The following SH3RF3 variants were observed in gnomAD, a reference collection of about 807,000 sequenced individuals.
The protein encoded by SH3RF3 is SH3 domain containing ring finger 3, also known as E3 ubiquitin-protein ligase SH3RF3.
A neutral mutation model predicts 66.3 loss-of-function variants in SH3RF3; 29 were observed. The observed-to-expected ratio is 0.44, with a 90% CI of 0.33 to 0.60. The LOEUF is 0.60. Ranked by LOEUF, SH3RF3 falls within the 20% of genes least tolerant of loss-of-function variation. SH3RF3 has a pLI of 0.04. For missense variants in SH3RF3, 1,194 were observed against 1,190.9 expected (o/e 1.00, Z -0.04); for synonymous variants, 583 against 532.0 (o/e 1.10, Z -1.32).
At chr2:109,204,259 C>A (rs1351105912) in intron 1 of SH3RF3, among the ~76,000 whole-genome samples, 1 of 152,156 alleles carries the variant, frequency 6.6e-6, no homozygotes, top group South Asian at 2.1e-4. Flanking sequence ...TTTGCTTATG[C>A]CCTGTTGCTT....
At chr2:109,481,836 G>A (rs1304151697) in intron 8 of SH3RF3, among the ~76,000 whole-genome samples, 1 of 152,052 alleles carries the variant, frequency 6.6e-6, no homozygotes, top group East Asian at 1.9e-4. Flanking sequence ...GAGGGGCAAG[G>A]TGCCTGCCCA....
At chr2:109,315,176 A>G (rs1354825768) in intron 1 of SH3RF3, among the ~76,000 whole-genome samples, 1 of 152,210 alleles carries the variant, frequency 6.6e-6, no homozygotes, top group Non-Finnish European at 1.5e-5. Flanking sequence ...GTCTTATTTG[A>G]TGACTTTTCT....
Position 109,352,491 on chromosome 2 carries a change from G to A in SH3RF3, c.849+4542G>A, listed in dbSNP as rs564383901. On this transcript the variant is annotated intron_variant, in intron 2 of 9. Coordinates refer to ENST00000309415, the MANE Select transcript of SH3RF3 (RefSeq NM_001099289.3). ...GGCAAGCTTCCAAATTTGCAGTGTC[G>A]TCTCTGCTTCTTCCTGACTGAGAAT... is the stretch of plus-strand genomic sequence containing the variant. 1.7e-3 allele frequency among the ~76,000 whole-genome samples: 252 copies of A among 152,290 alleles called. 2 individuals are homozygous for A. The highest frequency in any genetic ancestry group is 2.6e-3 in the African/African-American group (110 of 41,550).
At chr2:109,149,358 C>T (rs911023638) in intron 1 of SH3RF3, among the ~76,000 whole-genome samples, 8 of 152,326 alleles carry the variant, frequency 5.3e-5, no homozygotes, top group African/African-American at 1.9e-4. Context: ...AATCAAGAGT[C>T]AAGTGTCTGG....
At chr2:109,204,005 G>A (rs1331005164) in intron 1 of SH3RF3, among the ~76,000 whole-genome samples, 2 of 152,202 alleles carry the variant, frequency 1.3e-5, no homozygotes, top group East Asian at 1.9e-4. Flanking sequence ...GGCTCTGAGT[G>A]TGAAAACCCG....
chr2:109,449,614 TAGATGAACCAGGCGTGTGACAG>T, intron 8 of SH3RF3, 125 bp downstream of exon 8: 2 of 1,233,384 alleles, frequency 1.6e-6, no homozygotes, highest in South Asian at 3.1e-5. Context: ...TGCCTGCCCC[TAGATGAACCAGGCGTGTGACAG>T]AGAGGGAGCC....
At chr2:109,415,987 C>T (rs1676712614) in intron 4 of SH3RF3, among the ~76,000 whole-genome samples, 1 of 152,164 alleles carries the variant, frequency 6.6e-6, no homozygotes, top group African/African-American at 2.4e-5. Context: ...AGCAGCAGGA[C>T]CTGAGCCAGC....
At position 109,504,230 on chromosome 2, in the gene SH3RF3, C is replaced by T. The variant is rs920623684; in HGVS notation, c.*2559C>T. 1 of 152,236 alleles carries T rather than the reference C, an allele frequency of 6.6e-6. No homozygotes were observed. The highest frequency in any genetic ancestry group is 1.5e-5 in the Non-Finnish European group (1 of 68,054). The allele number at this position is 152,236 out of a possible 1,614,324, so 9.4% of individuals were successfully genotyped here. A position where few individuals can be genotyped will look rare whatever the true frequency, so the allele number is the denominator to read the frequency against. ...TAACCCTTATGTTTCATCCTGGCCC[C>T]ATGATGTACACATCTTAGCCATGTA... is the stretch of plus-strand genomic sequence containing the variant. On this transcript the variant is annotated 3_prime_UTR_variant, in exon 10 of 10. Coordinates refer to ENST00000309415, the MANE Select transcript of SH3RF3 (RefSeq NM_001099289.3).
chr2:109,477,266 G>A (rs984456755), intron 8 of SH3RF3, among the ~76,000 whole-genome samples: 2 of 152,190 alleles, frequency 1.3e-5, no homozygotes, highest in African/African-American at 4.8e-5. Context: ...CAGAGTGGGG[G>A]AAGTCACTCC....
At position 109,393,959 on chromosome 2, in the gene SH3RF3, A is replaced by C. The variant is rs1357383973; in HGVS notation, c.946-4631A>C. On this transcript the variant is annotated intron_variant, in intron 3 of 9. Coordinates refer to ENST00000309415, the MANE Select transcript of SH3RF3 (RefSeq NM_001099289.3). ...TATACTCTGGCGCTGTCGTGGACCC[A>C]GCGCTGAAATTCCAGGGCTGGCCGC... 3.9e-5 allele frequency among the ~76,000 whole-genome samples: 6 copies of C among 152,006 alleles called. No homozygotes were observed. In the East Asian group the frequency reaches 1.2e-3, roughly 30 times the overall value.
At chr2:109,317,449 C>A (rs557472098) in intron 1 of SH3RF3, among the ~76,000 whole-genome samples, 97 of 152,112 alleles carry the variant, frequency 6.4e-4, no homozygotes, top group Non-Finnish European at 9.4e-4. Flanking sequence ...GCTGGGGAGG[C>A]CCAGCCCCCC....
intron 1 of SH3RF3, among the ~76,000 whole-genome samples, chr2:109,198,905 C>G (rs1029574957): frequency 2.6e-5 from 4 of 152,134 alleles, no homozygotes; most frequent in South Asian, 2.1e-4. Flanking sequence ...CAAATGTTTG[C>G]GTAGCTAAAT....
rs1679469579 is a variant in SH3RF3, at chr2:109,504,161, A to G, written c.*2490A>G. The G allele has an allele frequency of 6.6e-6, 1 of 152,260 alleles. No individual in the cohort carries two copies. Among genetic ancestry groups the G allele is most frequent in the Non-Finnish European group, 1.5e-5 (1 of 68,048 alleles). 9.4% of individuals were successfully genotyped at this position (152,260 alleles called of 1,614,324 possible). On this transcript the variant is annotated 3_prime_UTR_variant, in exon 10 of 10. Coordinates refer to ENST00000309415, the MANE Select transcript of SH3RF3 (RefSeq NM_001099289.3). ...GCAGAATTAGCCCTTTCTTCAGGCCATCTTGCCTCAAAGGGTACACATGTT... is the reference window on the plus strand; with the variant it reads ...GCAGAATTAGCCCTTTCTTCAGGCCGTCTTGCCTCAAAGGGTACACATGTT...
intron 8 of SH3RF3, among the ~76,000 whole-genome samples, chr2:109,484,495 C>A (rs1433819219): frequency 6.6e-6 from 1 of 152,200 alleles, no homozygotes; most frequent in African/African-American, 2.4e-5. Flanking sequence ...CATCACTCAC[C>A]AGCCCAGGCC....
intron 1 of SH3RF3, among the ~76,000 whole-genome samples, chr2:109,160,748 G>A (rs1677469529): frequency 6.6e-6 from 1 of 152,196 alleles, no homozygotes; most frequent in Non-Finnish European, 1.5e-5. Flanking sequence ...TGGTCTGGAA[G>A]GGTTTGGGGA....
intron 1 of SH3RF3, among the ~76,000 whole-genome samples, chr2:109,220,152 G>C (rs778722318): frequency 1.3e-5 from 2 of 152,138 alleles, no homozygotes; most frequent in Non-Finnish European, 2.9e-5. Flanking sequence ...TTTCAACAAA[G>C]AAGCCAAGAT....
chr2:109,313,058 G>A (rs2105433513), intron 1 of SH3RF3, among the ~76,000 whole-genome samples: 1 of 152,306 alleles, frequency 6.6e-6, no homozygotes, highest in Non-Finnish European at 1.5e-5. Context: ...CAGGAGACAG[G>A]GAACCCATGC....
chr2:109,260,537 G>A (rs530371654), intron 1 of SH3RF3, among the ~76,000 whole-genome samples: 242 of 152,284 alleles, frequency 1.6e-3, no homozygotes, highest in African/African-American at 5.6e-3. Flanking sequence ...CACTTGTAGC[G>A]TGGGCACAGG....
At chr2:109,349,336 A>G (rs1682790699) in intron 2 of SH3RF3, among the ~76,000 whole-genome samples, 1 of 152,146 alleles carries the variant, frequency 6.6e-6, no homozygotes, top group Non-Finnish European at 1.5e-5. Flanking sequence ...CCTTTTATCA[A>G]GGTGTTCTGA....
Sources: allele counts gnomAD v4.1 joint callset (sites outside exome capture counted in the v4.1 genomes callset), GRCh38; gene constraint gnomAD v4.1.1; transcripts MANE v1.5; gene names NCBI Gene and HGNC (gene_info 2026-07-23, HGNC 2026-07-21).